The following MEI1 variants were observed in gnomAD, a reference collection of about 807,000 sequenced individuals.
MEI1 encodes the protein meiotic double-stranded break formation protein 1, also known as meiosis inhibitor protein 1.
A neutral mutation model predicts 146.2 loss-of-function variants in MEI1; 103 were observed. The observed-to-expected ratio is 0.70, with a 90% CI of 0.60 to 0.83. MEI1 has a LOEUF of 0.83. Ranked by LOEUF, MEI1 falls within the 40% of genes least tolerant of loss-of-function variation. The pLI is 0.00. For missense variants in MEI1, 1,529 were observed against 1,533.0 expected, an observed-to-expected ratio of 1.00 and a Z score of 0.04; for synonymous variants, 652 against 628.2, an observed-to-expected ratio of 1.04 and a Z score of -0.57.
At chr22:41,768,764 G>A (rs986598620) in intron 19 of MEI1, among the ~76,000 whole-genome samples, 1 of 152,118 alleles carries the variant, frequency 6.6e-6, no homozygotes, top group African/African-American at 2.4e-5. Context: ...AACAGCAACG[G>A]GGAGGTCCAC....
At chr22:41,721,619 C>G (rs1401981872) in intron 6 of MEI1, among the ~76,000 whole-genome samples, 1 of 151,360 alleles carries the variant, frequency 6.6e-6, no homozygotes, top group Admixed American at 6.6e-5. Context: ...TCTTGAACTG[C>G]TGGGCTCAAG....
In MEI1 at chr22:41,770,883, G is replaced by T. The variant is rs1322549036; in HGVS notation, c.2466G>T (p.Gly822=). 6.2e-7 allele frequency: 1 copy of T among 1,614,020 alleles called. No homozygotes were observed. Among genetic ancestry groups the T allele is most frequent in the Non-Finnish European group, 8.5e-7 (1 of 1,179,892 alleles). The part of the protein sequence containing the change: ...YEELDDVTSA[G]QPALPASLVV... ...AACTGGATGATGTCACCTCTGCTGG[G>T]CAGCCCGCCCTTCCTGCCAGCTTAG... Residue 822 remains glycine, a synonymous_variant, in exon 20 of 31, where the codon GGG becomes GGT. Coordinates refer to ENST00000401548, the MANE Select transcript of MEI1 (RefSeq NM_152513.4).
At chr22:41,707,745 A>G (rs753289604) in intron 3 of MEI1, among the ~76,000 whole-genome samples, 45 of 152,182 alleles carry the variant, frequency 3.0e-4, no homozygotes, top group Admixed American at 2.6e-4. Flanking sequence ...AGGAAACAAA[A>G]AGGAAGGAGC....
intron 21 of MEI1, among the ~76,000 whole-genome samples, chr22:41,776,710 C>T (rs913032089): frequency 6.6e-6 from 1 of 152,176 alleles, no homozygotes; most frequent in Non-Finnish European, 1.5e-5. Context: ...GAATGGTACT[C>T]ACTGGAGTCA....
intron 20 of MEI1, among the ~76,000 whole-genome samples, chr22:41,773,628 C>T (rs10854744): frequency 0.19 from 29,399 of 151,008 alleles, 7,719 homozygotes; most frequent in African/African-American, 0.6. Context: ...GTAATCCCAG[C>T]GCTTTGGGAG....
At chr22:41,729,619 C>T (rs750135763) in intron 7 of MEI1, 46 bp from the exon 8 acceptor site, 49 of 1,279,956 alleles carry the variant, frequency 3.8e-5, no homozygotes, top group Non-Finnish European at 5.0e-5. Flanking sequence ...TTTTCTGGTC[C>T]TATTCGTGGT....
At position 41,784,616 on chromosome 22, in the gene MEI1, T is replaced by C. The variant is rs183443440; in HGVS notation, c.3178T>C (p.Leu1060=). The C allele has an allele frequency of 9.0e-4, 1,446 of 1,612,304 alleles. 1 individual carries two copies. The highest frequency in any genetic ancestry group is 1.4e-3 in the Admixed American group (81 of 59,998). Residue 1060 remains leucine (L), a synonymous_variant, in exon 26 of 31, where the codon TTA becomes CTA. Transcript: ENST00000401548. The part of the protein sequence containing the change: ...KKAALLSAAI[L]CFLRTALRQS... ...GAATCTCCTGCTTCCAGCTGCCATC[T>C]TATGCTTCCTGCGGACAGCCCTGCG...
At chr22:41,748,068 G>T in intron 14 of MEI1, 39 bp from the exon 15 acceptor site, 4 of 1,416,618 alleles carry the variant, frequency 2.8e-6, no homozygotes, top group Non-Finnish European at 4.0e-6. Flanking sequence ...CAGAGGCTCA[G>T]TCCCCGTGGG....
rs1394700744 is a variant in MEI1, at chr22:41,712,809, G to GTT, written c.350-1178_350-1177dup. Among the ~76,000 whole-genome samples the GTT allele has an allele frequency of 4.9e-4, 63 of 127,382 alleles. 3 individuals carry two copies. The highest frequency in any genetic ancestry group is 7.3e-4 in the African/African-American group (25 of 34,368). 83.6% of individuals were successfully genotyped at this position (127,382 alleles called of 152,430 possible). A position where few individuals can be genotyped will look rare whatever the true frequency, so the allele number is the denominator to read the frequency against. ...ACTTGGGTATTAGTTTTGTTTGTTT[G>GTT]TTTTTTTTTTTTTTTTAGAGATGGA... is the stretch of plus-strand genomic sequence containing the variant. On this transcript the variant is annotated intron_variant, in intron 3 of 30. Transcript: ENST00000401548.
chr22:41,700,647 G>C (rs922353923), intron 1 of MEI1, among the ~76,000 whole-genome samples: 1 of 151,888 alleles, frequency 6.6e-6, no homozygotes, highest in African/African-American at 2.4e-5. Context: ...GAGTTTTCTT[G>C]TCCATGGAGG....
At chr22:41,711,233 C>T (rs187403050) in intron 3 of MEI1, among the ~76,000 whole-genome samples, 247 of 151,986 alleles carry the variant, frequency 1.6e-3, no homozygotes, top group African/African-American at 5.3e-3. Flanking sequence ...AGTGCAGTGG[C>T]GCGATCTCGG....
In MEI1 at chr22:41,770,835, C is replaced by T. The variant is rs2075135458; in HGVS notation, c.2418C>T (p.Phe806=). ...YGHRVLELWF[F]WEESSYEELD... The stretch of plus-strand genomic sequence containing the variant: ...ACCGTGTCCTGGAACTTTGGTTCTT[C>T]TGGGAAGAGAGCAGCTATGAGGAAC... Residue 806 remains phenylalanine (F), a synonymous_variant, in exon 20 of 31, where the codon TTC becomes TTT. Transcript: ENST00000401548. The T allele has an allele frequency of 6.2e-7, 1 of 1,613,870 alleles. No individual in the cohort carries two copies. Among genetic ancestry groups the T allele is most frequent in the South Asian group, 1.1e-5 (1 of 91,080 alleles).
chr22:41,799,413 T>A lies in MEI1; in HGVS notation c.*114T>A. 1.0e-6 allele frequency: 1 copy of A among 968,422 alleles called. No homozygotes were observed. 60.0% of individuals were successfully genotyped at this position (968,422 alleles called of 1,614,324 possible). Reference sequence around the variant, plus strand: ...GCTATTCATATGGAGCCATATACTCTATTGTTGAAATAGAATAAGGAAATA... The same window carrying A: ...GCTATTCATATGGAGCCATATACTCAATTGTTGAAATAGAATAAGGAAATA... On this transcript the variant is annotated 3_prime_UTR_variant, in exon 31 of 31. Coordinates refer to ENST00000401548, the MANE Select transcript of MEI1 (RefSeq NM_152513.4).
At chr22:41,788,652 G>A (rs2076071669) in intron 26 of MEI1, among the ~76,000 whole-genome samples, 1 of 151,914 alleles carries the variant, frequency 6.6e-6, no homozygotes, top group African/African-American at 2.4e-5. Flanking sequence ...TGTTGGCCAG[G>A]CTGGTCTCAA....
At chr22:41,703,522 T>C (rs891197914) in intron 2 of MEI1, 68 bp downstream of exon 2, 1 of 1,361,166 alleles carries the variant, frequency 7.3e-7, no homozygotes, top group African/African-American at 1.5e-5. Context: ...TTTGGGGCTC[T>C]TGGAAAAATG....
chr22:41,699,668 TGCCTGGCCTGC>T lies in MEI1; in HGVS notation c.133_143del (p.Leu45AlafsTer68). ...GCTGCTGCCCGTGACCCCCCGCCTGTGCCTGGCCTGCGCGCTGGAGCTGCTGCCGGACCCCG... is the reference window on the plus strand; with the variant it reads ...GCTGCTGCCCGTGACCCCCCGCCTGTGCGCTGGAGCTGCTGCCGGACCCCG... On this transcript the variant is annotated frameshift_variant, in exon 1 of 31. Transcript: ENST00000401548. LOFTEE classifies it high-confidence loss of function. The T allele has an allele frequency of 6.3e-7, 1 of 1,594,118 alleles. No individual in the cohort carries two copies. Among genetic ancestry groups the T allele is most frequent in the Non-Finnish European group, 8.5e-7 (1 of 1,171,014 alleles).
intron 1 of MEI1, among the ~76,000 whole-genome samples, chr22:41,702,357 T>C (rs999370132): frequency 1.9e-4 from 29 of 152,230 alleles, no homozygotes; most frequent in Non-Finnish European, 3.8e-4. Flanking sequence ...GCCAGGCTGG[T>C]CTCGAATGCC....
At chr22:41,734,982 G>A (rs2072206308) in intron 11 of MEI1, among the ~76,000 whole-genome samples, 1 of 150,708 alleles carries the variant, frequency 6.6e-6, no homozygotes, top group Admixed American at 6.6e-5. Flanking sequence ...TTTTTTTTGA[G>A]ATGGAGTCTC....
chr22:41,747,910 C>T (rs1187592691), intron 14 of MEI1, among the ~76,000 whole-genome samples, 197 bp from the exon 15 acceptor site: 2 of 152,046 alleles, frequency 1.3e-5, no homozygotes, highest in Non-Finnish European at 2.9e-5. Flanking sequence ...GGAACAGAAG[C>T]CCAAAGAGAT....
Sources: gnomAD v4.1 joint callset for allele counts (sites outside exome capture counted in the v4.1 genomes callset) on GRCh38, gnomAD v4.1.1 for gene constraint, MANE v1.5 for transcripts, NCBI Gene and HGNC (gene_info 2026-07-23, HGNC 2026-07-21) for gene names.